Variants in EPB41 observed in about 807,000 individuals in gnomAD.
EPB41 encodes the protein erythrocyte membrane protein band 4.1.
In EPB41, 65 loss-of-function variants were observed where a neutral mutation model predicts 108.0. The observed-to-expected ratio is 0.60, with a 90% CI of 0.49 to 0.74. EPB41 has a LOEUF of 0.74. Ranked by LOEUF, EPB41 falls within the 30% of genes least tolerant of loss-of-function variation. The pLI is 0.00. For synonymous variants in EPB41, 336 were observed against 358.9 expected, an observed-to-expected ratio of 0.94 and a Z score of 0.72; for missense variants, 875 against 1,037.0, an observed-to-expected ratio of 0.84 and a Z score of 2.15.
At chr1:28,955,883 G>T (rs1391960077) in intron 1 of EPB41, among the ~76,000 whole-genome samples, 1 of 152,180 alleles carries the variant, frequency 6.6e-6, no homozygotes, top group Non-Finnish European at 1.5e-5. Context: ...TGAAAACAAT[G>T]ACTTTTCAGA....
rs66808636 is a variant in EPB41, at chr1:28,921,938, TTATA to T, written c.-8+7191_-8+7194del. On this transcript the variant is annotated intron_variant, in intron 1 of 20. Coordinates refer to ENST00000343067, the MANE Select transcript of EPB41 (RefSeq NM_001376013.1). ...TAAATAGTATTTTATTTATGAAATT[TTATA>T]TATATATATATATATATATACACTT... Among the ~76,000 whole-genome samples the T allele has an allele frequency of 1.6e-3, 162 of 102,622 alleles. 4 individuals carry two copies. The highest frequency in any genetic ancestry group is 6.9e-3 in the East Asian group (8 of 1,158). The allele number at this position is 102,622 out of a possible 152,430, so 67.3% of individuals were successfully genotyped here.
At chr1:28,955,466 C>T (rs1472059485) in intron 1 of EPB41, among the ~76,000 whole-genome samples, 5 of 151,942 alleles carry the variant, frequency 3.3e-5, no homozygotes, top group African/African-American at 4.8e-5. Flanking sequence ...CTCAGCCTCC[C>T]GAGTAGCTGG....
chr1:29,072,864 A>G (rs1365837856), intron 16 of EPB41: 1 of 152,214 alleles, frequency 6.6e-6, no homozygotes, highest in African/African-American at 2.4e-5. Flanking sequence ...TAATCCCAGC[A>G]CTTTGGGAGG....
At chr1:28,935,552 A>G (rs1048099478) in intron 1 of EPB41, among the ~76,000 whole-genome samples, 4 of 147,750 alleles carry the variant, frequency 2.7e-5, no homozygotes, top group African/African-American at 5.0e-5. Flanking sequence ...CTTTTGCCAT[A>G]TTCATTCCAG....
intron 1 of EPB41, among the ~76,000 whole-genome samples, chr1:28,916,767 T>A (rs531872720): frequency 2.0e-5 from 3 of 152,188 alleles, no homozygotes; most frequent in African/African-American, 7.2e-5. Context: ...GTTTTTAATC[T>A]GTAGGTTTTA....
At chr1:28,941,911 A>C (rs1213885527) in intron 1 of EPB41, among the ~76,000 whole-genome samples, 1 of 151,320 alleles carries the variant, frequency 6.6e-6, no homozygotes, top group African/African-American at 2.4e-5. Context: ...AAAAAAAAAA[A>C]AAAAGCAAAA....
rs371379818 is a variant in EPB41, at chr1:29,033,102, G to A, written c.1222G>A (p.Gly408Arg). The A allele has an allele frequency of 2.5e-6, 4 of 1,613,872 alleles. No individual in the cohort carries two copies. The highest frequency in any genetic ancestry group is 3.4e-6 in the Non-Finnish European group (4 of 1,179,892). Residue 408 changes from glycine to arginine, a missense_variant, in exon 9 of 21, where the codon GGA becomes AGA. This residue lies in a region of EPB41 where 519 missense variants were observed against 627.3 expected (regional missense o/e 0.83). Coordinates refer to ENST00000343067, the MANE Select transcript of EPB41 (RefSeq NM_001376013.1). ...VDLHKAKDLEGVDIILGVCSS... is the reference protein window; with the variant it reads ...VDLHKAKDLERVDIILGVCSS... ...CATTTTTCTTTTTCAGGACTTGGAA[G>A]GAGTAGATATCATCCTAGGTGTCTG...
chr1:29,083,541 A>T (rs1284915753), intron 16 of EPB41, among the ~76,000 whole-genome samples: 2 of 151,994 alleles, frequency 1.3e-5, no homozygotes, highest in Non-Finnish European at 2.9e-5. Context: ...TGTCATCTTT[A>T]TGTGCTGTTT....
At position 28,987,433 on chromosome 1, in the gene EPB41, A is replaced by G. The variant is rs988584940; in HGVS notation, c.-5A>G. ...CTTTTCTATCTTCTTTTTAATAGCA[A>G]CATCATGACAACAGAGAAGAGTTTA... On this transcript the variant is annotated splice_region_variant and 5_prime_UTR_variant, in exon 2 of 21. Transcript: ENST00000343067. The G allele has an allele frequency of 1.2e-6, 2 of 1,614,010 alleles. No individual in the cohort carries two copies. Among genetic ancestry groups the G allele is most frequent in the African/African-American group, 1.3e-5 (1 of 75,038 alleles).
At chr1:29,069,441 C>T (rs1650177978) in intron 16 of EPB41, 1 of 1,222,484 alleles carries the variant, frequency 8.2e-7, no homozygotes, top group Admixed American at 4.3e-5. Flanking sequence ...TCATGATGGT[C>T]ATTATTATTT....
At chr1:29,045,836 C>A in intron 11 of EPB41, among the ~76,000 whole-genome samples, 2 of 145,322 alleles carry the variant, frequency 1.4e-5, no homozygotes, top group African/African-American at 2.6e-5. Flanking sequence ...ATTAGCTGAG[C>A]ATGGTAGTGC....
intron 16 of EPB41, among the ~76,000 whole-genome samples, chr1:29,080,061 A>G (rs943412794): frequency 6.6e-6 from 1 of 151,974 alleles, no homozygotes; most frequent in Non-Finnish European, 1.5e-5. Context: ...TTTTTTGGGC[A>G]GTATTTACCA....
At chr1:29,037,628 G>T (rs1015005064) in intron 10 of EPB41, among the ~76,000 whole-genome samples, 2 of 151,226 alleles carry the variant, frequency 1.3e-5, no homozygotes, top group African/African-American at 2.4e-5. Flanking sequence ...TGTTGCCCAG[G>T]CTGTAGTGCA....
At chr1:28,930,193 G>A (rs1295837602) in intron 1 of EPB41, among the ~76,000 whole-genome samples, 5 of 96,690 alleles carry the variant, frequency 5.2e-5, no homozygotes, top group Admixed American at 1.4e-4. Context: ...GTCTTACTCT[G>A]TTGCCCAGGC....
chr1:29,036,391 C>T (rs1481964905), intron 10 of EPB41, among the ~76,000 whole-genome samples: 1 of 150,970 alleles, frequency 6.6e-6, no homozygotes, highest in Non-Finnish European at 1.5e-5. Context: ...TCCTAAGTAG[C>T]TGGGATTACA....
intron 12 of EPB41, among the ~76,000 whole-genome samples, chr1:29,056,191 G>C (rs1645385163): frequency 6.8e-6 from 1 of 147,436 alleles, no homozygotes; most frequent in South Asian, 2.1e-4. Context: ...CCGAGATCGC[G>C]CCGCTGCACT....
intron 1 of EPB41, among the ~76,000 whole-genome samples, chr1:28,888,752 C>G (rs1479083355): frequency 2.6e-5 from 4 of 152,154 alleles, no homozygotes; most frequent in Non-Finnish European, 5.9e-5. Flanking sequence ...CTCAGCCTCC[C>G]GAGTAGCTGG....
Position 28,987,877 on chromosome 1 carries a change from T to C in EPB41, c.440T>C (p.Leu147Pro), listed in dbSNP as rs1455732889. The change falls in exon 2 of 21, where the codon CTT (leucine) becomes CCT (proline). Residue 147 changes from leucine to proline, a missense_variant. By Grantham distance (98) the Leu-to-Pro change is moderately conservative. This residue lies in a region of EPB41 where 353 missense variants were observed against 393.2 expected (regional missense o/e 0.90). Transcript: ENST00000343067. ...PELKTDPSLD[L>P]HSLSSAETQP... is the part of the protein sequence containing the mutation. The stretch of plus-strand genomic sequence containing the variant: ...CTCAAAACAGACCCATCTTTGGATC[T>C]TCATTCATTAAGCAGTGCAGAAACA... The C allele has an allele frequency of 2.5e-6, 4 of 1,614,102 alleles. No individual in the cohort carries two copies. The highest frequency in any genetic ancestry group is 3.4e-6 in the Non-Finnish European group (4 of 1,180,044).
intron 1 of EPB41, among the ~76,000 whole-genome samples, chr1:28,941,217 A>AT (rs1557747915): frequency 7.3e-5 from 11 of 151,690 alleles, no homozygotes; most frequent in Non-Finnish European, 2.9e-5. Context: ...AAAAAAAAAA[A>AT]CAAAACAAAC....
Sources: allele counts gnomAD v4.1 joint callset (sites outside exome capture counted in the v4.1 genomes callset), GRCh38; gene constraint gnomAD v4.1.1; regional missense constraint gnomAD v4.1.1; transcripts MANE v1.5; gene names NCBI Gene and HGNC (gene_info 2026-07-23, HGNC 2026-07-21).